The following PRPSAP2 variants were observed in gnomAD, a reference collection of about 807,000 sequenced individuals.
PRPSAP2 encodes phosphoribosyl pyrophosphate synthase-associated protein 2.
In PRPSAP2, 24 loss-of-function variants were observed where a neutral mutation model predicts 40.6. The ratio of observed to expected loss-of-function variants is 0.59; its 90% CI spans 0.43 to 0.83. The LOEUF (loss-of-function observed/expected upper bound fraction) is 0.83, where lower values mean the gene tolerates loss of function less well. PRPSAP2 is among the 40% of genes least tolerant of loss of function. The pLI, the probability that PRPSAP2 is intolerant of heterozygous loss-of-function variation, is 0.00. For missense variants in PRPSAP2, 292 were observed against 465.6 expected, an observed-to-expected ratio of 0.63 and a Z score of 3.43; for synonymous variants, 149 against 164.7, an observed-to-expected ratio of 0.90 and a Z score of 0.73.
intron 9 of PRPSAP2, among the ~76,000 whole-genome samples, chr17:18,912,832 C>T (rs150784563): frequency 8.5e-5 from 13 of 152,142 alleles, no homozygotes; most frequent in African/African-American, 1.2e-4. Flanking sequence ...GCCAGGAGTT[C>T]GAGACCAAAA....
In PRPSAP2 at chr17:18,867,280, A is replaced by G; in HGVS notation, c.120-2A>G. 2 of 1,613,958 alleles carry G rather than the reference A, an allele frequency of 1.2e-6. No homozygotes were observed. The highest frequency in any genetic ancestry group is 1.7e-6 in the Non-Finnish European group (2 of 1,179,966). On this transcript the variant is annotated splice_acceptor_variant, in intron 3 of 11. Transcript: ENST00000268835. LOFTEE classifies it high-confidence loss of function. ...AGCTTTTTCCCCCTTTCTCTTCTCTAGGCGGCTAGGGGTGGAGATGGGCAA... is the reference window on the plus strand; with the variant it reads ...AGCTTTTTCCCCCTTTCTCTTCTCTGGGCGGCTAGGGGTGGAGATGGGCAA...
chr17:18,891,028 T>C (rs1329466316), intron 8 of PRPSAP2, among the ~76,000 whole-genome samples: 1 of 152,186 alleles, frequency 6.6e-6, no homozygotes, highest in Non-Finnish European at 1.5e-5. Flanking sequence ...GCCACTCCAC[T>C]GGAGAGGGAA....
At chr17:18,901,760 G>A (rs1034970705) in intron 8 of PRPSAP2, among the ~76,000 whole-genome samples, 2 of 151,520 alleles carry the variant, frequency 1.3e-5, no homozygotes, top group African/African-American at 4.8e-5. Context: ...CCTTCCTAGT[G>A]GAAGCAGAAG....
At chr17:18,921,262 CAT>C (rs2151968095) in intron 9 of PRPSAP2, among the ~76,000 whole-genome samples, 1 of 152,216 alleles carries the variant, frequency 6.6e-6, no homozygotes, top group South Asian at 2.1e-4. Flanking sequence ...ACACTTTTCC[CAT>C]ACTTTGGCTT....
At chr17:18,910,623 C>A (rs1287942996) in intron 8 of PRPSAP2, among the ~76,000 whole-genome samples, 1 of 152,196 alleles carries the variant, frequency 6.6e-6, no homozygotes. Context: ...TGGGCACATA[C>A]AGCCTTCAGA....
intron 4 of PRPSAP2, 123 bp from the exon 5 acceptor site, chr17:18,872,460 A>G: frequency 1.4e-6 from 1 of 708,072 alleles, no homozygotes; most frequent in South Asian, 1.8e-5. Flanking sequence ...AAGCCTACTG[A>G]GTCTTATAAC....
chr17:18,898,805 A>AG (rs542043903), intron 8 of PRPSAP2, among the ~76,000 whole-genome samples: 189 of 152,250 alleles, frequency 1.2e-3, no homozygotes, highest in Middle Eastern at 0.01. Context: ...GGAAGCTTTC[A>AG]GCCATTGTCT....
At chr17:18,875,765 A>G (rs1179399400) in intron 5 of PRPSAP2, among the ~76,000 whole-genome samples, 1 of 151,584 alleles carries the variant, frequency 6.6e-6, no homozygotes, top group Non-Finnish European at 1.5e-5. Flanking sequence ...GAGGCATGAG[A>G]ATCGCTTGAA....
At chr17:18,884,912 A>G (rs940402078) in intron 7 of PRPSAP2, among the ~76,000 whole-genome samples, 10 of 152,304 alleles carry the variant, frequency 6.6e-5, no homozygotes, top group African/African-American at 2.2e-4. Flanking sequence ...CCAATGTCTC[A>G]AGGCACAAAT....
At chr17:18,876,838 G>A (rs2038336805) in intron 5 of PRPSAP2, among the ~76,000 whole-genome samples, 1 of 152,154 alleles carries the variant, frequency 6.6e-6, no homozygotes, top group African/African-American at 2.4e-5. Flanking sequence ...CAGTGGGAAC[G>A]CCTAGAGCAA....
In PRPSAP2 at chr17:18,930,524, T is replaced by C. The variant is rs754325362; in HGVS notation, c.952-16T>C. ...TGGCTTTCTGATGCTGTGGTTTTTT[T>C]TCTTTTGCTTCACAGGTGGTGGTCA... On this transcript the variant is annotated splice_polypyrimidine_tract_variant and intron_variant, in intron 11 of 11. Transcript: ENST00000268835. The C allele has an allele frequency of 3.9e-5, 63 of 1,604,850 alleles. No individual in the cohort carries two copies. Among genetic ancestry groups the C allele is most frequent in the Non-Finnish European group, 5.1e-5 (60 of 1,175,630 alleles).
intron 10 of PRPSAP2, among the ~76,000 whole-genome samples, chr17:18,925,287 T>A (rs528725159): frequency 6.6e-6 from 1 of 152,336 alleles, no homozygotes; most frequent in African/African-American, 2.4e-5. Context: ...GCATAGATCA[T>A]CACCAGGTAC....
At chr17:18,906,336 C>T (rs1305805349) in intron 8 of PRPSAP2, among the ~76,000 whole-genome samples, 3 of 152,176 alleles carry the variant, frequency 2.0e-5, no homozygotes, top group Non-Finnish European at 4.4e-5. Context: ...CCACCTCAGC[C>T]TCCCAAGTAG....
chr17:18,870,513 G>A (rs2037779498), intron 4 of PRPSAP2, among the ~76,000 whole-genome samples: 1 of 152,086 alleles, frequency 6.6e-6, no homozygotes, highest in African/African-American at 2.4e-5. Context: ...CACATTTAAA[G>A]AAATTAACTA....
At chr17:18,893,642 C>A (rs1012571455) in intron 8 of PRPSAP2, among the ~76,000 whole-genome samples, 2 of 151,656 alleles carry the variant, frequency 1.3e-5, no homozygotes, top group African/African-American at 4.8e-5. Context: ...GTGGTTCTAG[C>A]TACTTGGGTG....
chr17:18,877,772 T>C lies in PRPSAP2; in HGVS notation c.314T>C (p.Ile105Thr), dbSNP rs746216720. Residue 105 changes from isoleucine to threonine, a missense_variant, in exon 6 of 12, where the codon ATT (isoleucine) becomes ACT (threonine). Coordinates refer to ENST00000268835, the MANE Select transcript of PRPSAP2 (RefSeq NM_002767.4). ...ACKTSCAKSIIGVIPYFPYSK... is the reference protein window; with the variant it reads ...ACKTSCAKSITGVIPYFPYSK... The stretch of plus-strand genomic sequence containing the variant: ...AAGACCTCTTGTGCCAAGAGCATCA[T>C]TGGCGTGATACCCTACTTTCCTTAC... The C allele has an allele frequency of 6.2e-7, 1 of 1,613,904 alleles. No homozygotes were observed.
intron 3 of PRPSAP2, among the ~76,000 whole-genome samples, chr17:18,866,532 C>G (rs950747244): frequency 1.3e-5 from 2 of 152,030 alleles, no homozygotes; most frequent in Non-Finnish European, 2.9e-5. Flanking sequence ...GCACTCCAGC[C>G]TGGGCAACAG....
chr17:18,919,737 A>G (rs76743503), intron 9 of PRPSAP2, among the ~76,000 whole-genome samples: 1 of 152,178 alleles, frequency 6.6e-6, no homozygotes, highest in South Asian at 2.1e-4. Context: ...TAATTGAGTG[A>G]TGATTTTCCA....
At chr17:18,881,325 C>A (rs2038718455) in intron 6 of PRPSAP2, among the ~76,000 whole-genome samples, 1 of 151,636 alleles carries the variant, frequency 6.6e-6, no homozygotes. Flanking sequence ...AACCTCCGCC[C>A]CCCCAGGTTC....
Sources: gnomAD v4.1 joint callset for allele counts (sites outside exome capture counted in the v4.1 genomes callset) on GRCh38, gnomAD v4.1.1 for gene constraint, MANE v1.5 for transcripts, NCBI Gene and HGNC (gene_info 2026-07-23, HGNC 2026-07-21) for gene names.